Variants in PATJ observed in about 807,000 individuals in gnomAD.
PATJ encodes the protein PATJ crumbs cell polarity complex component.
In PATJ, 190 loss-of-function variants were observed where a neutral mutation model predicts 224.9. The observed-to-expected ratio is 0.84, with a 90% confidence interval of 0.75 to 0.95. The LOEUF is 0.95. PATJ is among the 40% of genes least tolerant of loss of function. PATJ has a pLI of 0.00. For synonymous variants in PATJ, 769 were observed against 820.3 expected, an observed-to-expected ratio of 0.94 and a Z score of 1.07; for missense variants, 2,121 against 2,270.3, an observed-to-expected ratio of 0.93 and a Z score of 1.34.
chr1:61,939,317 T>TCACACA (rs60430174), intron 27 of PATJ, among the ~76,000 whole-genome samples: 50,534 of 142,198 alleles, frequency 0.36, 9,458 homozygotes, highest in East Asian at 0.67. Context: ...AACTTTGCAT[T>TCACACA]CACACACACA....
At chr1:61,893,922 G>A (rs901475461) in intron 22 of PATJ, among the ~76,000 whole-genome samples, 2 of 151,486 alleles carry the variant, frequency 1.3e-5, no homozygotes, top group Non-Finnish European at 2.9e-5. Flanking sequence ...AGGAAGGTTT[G>A]TATTGTTTTA....
At chr1:62,015,422 A>G (rs1646717689) in intron 28 of PATJ, among the ~76,000 whole-genome samples, 1 of 152,210 alleles carries the variant, frequency 6.6e-6, no homozygotes, top group African/African-American at 2.4e-5. Flanking sequence ...ATCTTGTTTA[A>G]TTCTCACAAT....
chr1:62,134,917 GGGGA>G (rs1051726320), intron 41 of PATJ, among the ~76,000 whole-genome samples: 20 of 152,162 alleles, frequency 1.3e-4, no homozygotes, highest in Non-Finnish European at 2.5e-4. Flanking sequence ...AATTCCAGGA[GGGGA>G]GGAAGACGGA....
At chr1:61,819,731 G>A (rs1438865647) in intron 14 of PATJ, among the ~76,000 whole-genome samples, 1 of 152,152 alleles carries the variant, frequency 6.6e-6, no homozygotes, top group Non-Finnish European at 1.5e-5. Context: ...ACTGATCAGT[G>A]AGCTGAGAGG....
At chr1:62,149,511 T>C (rs1668408704) in intron 42 of PATJ, among the ~76,000 whole-genome samples, 1 of 152,192 alleles carries the variant, frequency 6.6e-6, no homozygotes, top group Non-Finnish European at 1.5e-5. Flanking sequence ...AAGCTCATTC[T>C]ACCTTTTTCT....
At chr1:61,998,037 ATT>A (rs1645514630) in intron 28 of PATJ, among the ~76,000 whole-genome samples, 2 of 129,644 alleles carry the variant, frequency 1.5e-5, no homozygotes, top group Non-Finnish European at 1.6e-5. Flanking sequence ...TATATTATAT[ATT>A]TATTATATAT....
intron 30 of PATJ, among the ~76,000 whole-genome samples, chr1:62,045,325 C>G (rs1363956961): frequency 1.3e-5 from 2 of 151,874 alleles, no homozygotes; most frequent in Non-Finnish European, 2.9e-5. Context: ...AGCATTCTTG[C>G]TATCAAGATT....
At chr1:61,940,417 A>G (rs1006610048) in intron 27 of PATJ, among the ~76,000 whole-genome samples, 4 of 152,172 alleles carry the variant, frequency 2.6e-5, no homozygotes, top group Admixed American at 1.3e-4. Flanking sequence ...ACATATTGCC[A>G]TTAGAAAATG....
chr1:62,117,132 T>G lies in PATJ; in HGVS notation c.4804T>G (p.Cys1602Gly). ...SQETVATILK[C>G]AQGLVQLEIG... ...TCTGTTCTTTTCTTGCCTTTCCAAG[T>G]GTGCACAGGGACTTGTGCAGCTAGA... The change falls in exon 37 of 44, where the codon TGT becomes GGT. Residue 1602 changes from cysteine to glycine, a missense_variant and splice_region_variant. Physicochemically the swap from Cys to Gly is radical, Grantham distance 159. Transcript: ENST00000642238. 3 of 1,612,190 alleles carry G rather than the reference T, an allele frequency of 1.9e-6. No homozygotes were observed. In the South Asian group the frequency reaches 3.3e-5, roughly 18 times the overall value.
intron 41 of PATJ, among the ~76,000 whole-genome samples, chr1:62,132,412 C>T (rs1468772156): frequency 1.3e-5 from 2 of 152,026 alleles, no homozygotes; most frequent in Non-Finnish European, 2.9e-5. Context: ...GCGGGAGAAT[C>T]GCTTGAACCC....
At chr1:61,858,764 T>C (rs970759387) in intron 18 of PATJ, among the ~76,000 whole-genome samples, 2 of 152,236 alleles carry the variant, frequency 1.3e-5, no homozygotes, top group Admixed American at 6.5e-5. Context: ...TATAAATAGA[T>C]TCATGTACAG....
At chr1:61,891,283 G>A (rs893271458) in intron 22 of PATJ, among the ~76,000 whole-genome samples, 2 of 152,162 alleles carry the variant, frequency 1.3e-5, no homozygotes, top group Admixed American at 6.5e-5. Flanking sequence ...CTAAGTTAAC[G>A]TGATATTTTA....
rs184655973 is a variant in PATJ at position 62,078,877 on chromosome 1, T to A, written c.4126-573T>A. 3.3e-3 allele frequency: 499 copies of A among 152,998 alleles called. 2 individuals are homozygous for A. The highest frequency in any genetic ancestry group is 5.2e-3 in the Non-Finnish European group (356 of 67,866). The allele number at this position is 152,998 out of a possible 1,614,324, so 9.5% of individuals were successfully genotyped here. Reference sequence around the variant, plus strand: ...CAATAAAGGAGCTATGCTTCCTTTATGTGAATTAAATGTCACTGATGTAGC... The same window carrying A: ...CAATAAAGGAGCTATGCTTCCTTTAAGTGAATTAAATGTCACTGATGTAGC... On this transcript the variant is annotated intron_variant, in intron 31 of 43. Transcript: ENST00000642238.
intron 20 of PATJ, among the ~76,000 whole-genome samples, chr1:61,867,017 C>T (rs1319526723): frequency 6.6e-6 from 1 of 152,156 alleles, no homozygotes; most frequent in East Asian, 1.9e-4. Context: ...AGGTCACTCT[C>T]GTTGCCATCT....
intron 31 of PATJ, among the ~76,000 whole-genome samples, chr1:62,075,974 A>G (rs1377709203): frequency 6.6e-6 from 1 of 151,962 alleles, no homozygotes; most frequent in Non-Finnish European, 1.5e-5. Flanking sequence ...ATACAACTAC[A>G]AGGGTGTTTT....
chr1:62,130,864 A>T (rs1472019690), intron 41 of PATJ, among the ~76,000 whole-genome samples: 1 of 152,152 alleles, frequency 6.6e-6, no homozygotes, highest in Non-Finnish European at 1.5e-5. Flanking sequence ...AGAAAAAAAG[A>T]AAAACCATTA....
intron 1 of PATJ, among the ~76,000 whole-genome samples, chr1:61,753,777 T>C (rs183228168): frequency 3.9e-5 from 6 of 152,032 alleles, no homozygotes; most frequent in African/African-American, 1.2e-4. Flanking sequence ...CCCAAAGTGC[T>C]GAGATTACAG....
At chr1:62,107,798 T>A (rs1467457340) in intron 33 of PATJ, among the ~76,000 whole-genome samples, 1 of 152,216 alleles carries the variant, frequency 6.6e-6, no homozygotes, top group East Asian at 1.9e-4. Context: ...GAAACACTTT[T>A]CCCAACCAAA....
At chr1:62,010,489 T>G (rs2148321641) in intron 28 of PATJ, among the ~76,000 whole-genome samples, 1 of 141,358 alleles carries the variant, frequency 7.1e-6, no homozygotes, top group Non-Finnish European at 1.6e-5. Context: ...TCTGTCTTCA[T>G]GAAATCTACT....
Sources: allele counts gnomAD v4.1 joint callset (sites outside exome capture counted in the v4.1 genomes callset), GRCh38; gene constraint gnomAD v4.1.1; transcripts MANE v1.5; gene names NCBI Gene and HGNC (gene_info 2026-07-23, HGNC 2026-07-21).